WDR19: variants seen among roughly 807,000 people sequenced by gnomAD.
WDR19 encodes WD repeat-containing protein 19.
WDR19 carries 121 observed loss-of-function variants against 180.0 expected under a neutral mutation model. That is an observed-to-expected ratio of 0.67 (90% CI 0.58 to 0.78). The LOEUF (loss-of-function observed/expected upper bound fraction) is 0.78. Ranked by LOEUF, WDR19 falls within the 30% of genes least tolerant of loss-of-function variation. The pLI, the probability that WDR19 is intolerant of heterozygous loss-of-function variation, is 0.00. For missense variants in WDR19, 1,450 were observed against 1,640.7 expected (o/e 0.88, Z 2.01); for synonymous variants, 497 against 540.7 (o/e 0.92, Z 1.12).
chr4:39,244,938 CT>C (rs72240523), intron 23 of WDR19, among the ~76,000 whole-genome samples: 36,848 of 115,102 alleles, frequency 0.32, 4,064 homozygotes, highest in African/African-American at 0.37. Context: ...TTTTTTTTTT[CT>C]TTTTTTTTTT....
intron 15 of WDR19, among the ~76,000 whole-genome samples, chr4:39,226,895 A>G (rs762425357): frequency 9.2e-5 from 14 of 152,212 alleles, no homozygotes; most frequent in Non-Finnish European, 1.6e-4. Flanking sequence ...GTCTTCCACA[A>G]TGGTCGAACA....
rs754161203 is a variant in WDR19 at position 39,266,125 on chromosome 4, C to G, written c.3246C>G (p.Asn1082Lys). 1.3e-6 allele frequency: 2 copies of G among 1,562,888 alleles called. No homozygotes were observed. Among genetic ancestry groups the G allele is most frequent in the South Asian group, 2.4e-5 (2 of 84,384 alleles). ...TGATAGACCATCTCCTGGGGGAGAA[C>G]GATGGCATGCCTAAGGTACTGAACA... ...NQLIDHLLGENDGMPKDAKYL... is the reference protein window; with the variant it reads ...NQLIDHLLGEKDGMPKDAKYL... The change falls in exon 29 of 37, where the codon AAC (asparagine) becomes AAG (lysine). Residue 1082 changes from asparagine (N) to lysine (K), a missense_variant. Transcript: ENST00000399820.
chr4:39,278,771 G>T (rs1736166994), intron 36 of WDR19, 108 bp downstream of exon 36: 2 of 544,184 alleles, frequency 3.7e-6, no homozygotes, highest in South Asian at 8.0e-5. Context: ...CATGGAACTT[G>T]CCAGATTTGA....
At chr4:39,188,039 T>C (rs955433291) in intron 3 of WDR19, among the ~76,000 whole-genome samples, 6 of 152,036 alleles carry the variant, frequency 3.9e-5, no homozygotes, top group Non-Finnish European at 8.8e-5. Context: ...TAAATATAAA[T>C]CAAAGTATGG....
chr4:39,267,923 C>A, intron 29 of WDR19, 72 bp from the exon 30 acceptor site: 2 of 1,359,232 alleles, frequency 1.5e-6, no homozygotes, highest in South Asian at 1.3e-5. Flanking sequence ...GTGATTCTAA[C>A]TGCAATACAA....
intron 26 of WDR19, 100 bp downstream of exon 26, chr4:39,254,130 C>A: frequency 8.2e-7 from 1 of 1,213,368 alleles, no homozygotes; most frequent in Non-Finnish European, 1.1e-6. Flanking sequence ...TACAAGAATG[C>A]GCCTGGTGTA....
chr4:39,195,389 AACAAAC>A (rs2109267866), intron 5 of WDR19, among the ~76,000 whole-genome samples: 1 of 131,844 alleles, frequency 7.6e-6, no homozygotes, highest in Non-Finnish European at 1.7e-5. Context: ...CAAAAAAACA[AACAAAC>A]AAAAAAAAAC....
At chr4:39,269,527 G>C (rs1284994384) in intron 30 of WDR19, among the ~76,000 whole-genome samples, 1 of 152,202 alleles carries the variant, frequency 6.6e-6, no homozygotes, top group Non-Finnish European at 1.5e-5. Context: ...AGAGCAACTG[G>C]CTAGATGTTC....
rs201056151 is a variant in WDR19, at chr4:39,247,190, G to A, written c.2729+1738G>A. On this transcript the variant is annotated intron_variant, in intron 24 of 36. Transcript: ENST00000399820. ...GGAACAATCAGGCAGCAGCATTTGC[G>A]GTTCACCAATATCCACTGTTCTGCA... is the stretch of plus-strand genomic sequence containing the variant. Among the ~76,000 whole-genome samples the A allele has an allele frequency of 4.3e-3, 644 of 151,436 alleles. 3 individuals are homozygous for A. The highest frequency in any genetic ancestry group is 7.4e-3 in the Non-Finnish European group (500 of 67,646).
chr4:39,237,607 T>C (rs1340660954), intron 20 of WDR19: 1 of 152,202 alleles, frequency 6.6e-6, no homozygotes, highest in Non-Finnish European at 1.5e-5. Context: ...TGATATCTTA[T>C]TTCAAATTTT....
chr4:39,185,878 T>G, intron 2 of WDR19, 61 bp downstream of exon 2: 1 of 1,256,194 alleles, frequency 8.0e-7, no homozygotes, highest in Non-Finnish European at 1.1e-6. Flanking sequence ...CACCATCTAC[T>G]CAGTAGAAGT....
intron 9 of WDR19, among the ~76,000 whole-genome samples, chr4:39,212,114 T>A (rs367555869): frequency 6.6e-6 from 1 of 152,148 alleles, no homozygotes; most frequent in African/African-American, 2.4e-5. Flanking sequence ...AGACTATGTA[T>A]CATTGGCAGA....
intron 5 of WDR19, among the ~76,000 whole-genome samples, chr4:39,196,029 G>A (rs971614137): frequency 1.3e-5 from 2 of 152,126 alleles, no homozygotes; most frequent in Non-Finnish European, 2.9e-5. Context: ...AGGAGGAGGA[G>A]GAAGAAGAGA....
In WDR19 at chr4:39,244,332, A is replaced by C. The variant is rs371545746; in HGVS notation, c.2506A>C (p.Lys836Gln). ...ACGTCGAGGGGTTAACCAAGCCCTC[A>C]AGCATCCCAGCAGGGTCCTTAAAAG... ...DIRRGVNQALKHPSRVLKRDC... is the reference protein window; with the variant it reads ...DIRRGVNQALQHPSRVLKRDC... Residue 836 changes from lysine to glutamine, a missense_variant, in exon 22 of 37, where the codon AAG becomes CAG. By Grantham distance (53) the Lys-to-Gln change is moderately conservative. Transcript: ENST00000399820. 2.5e-6 allele frequency: 4 copies of C among 1,613,900 alleles called. No individual in the cohort carries two copies. The highest frequency in any genetic ancestry group is 3.4e-6 in the Non-Finnish European group (4 of 1,179,888).
chr4:39,268,428 C>A (rs748953437), intron 30 of WDR19, among the ~76,000 whole-genome samples: 4 of 152,112 alleles, frequency 2.6e-5, no homozygotes, highest in Non-Finnish European at 4.4e-5. Context: ...CTTTCCATTC[C>A]CTGTGTTTGG....
At chr4:39,254,504 G>A (rs916302730) in intron 26 of WDR19, among the ~76,000 whole-genome samples, 1 of 152,122 alleles carries the variant, frequency 6.6e-6, no homozygotes, top group Admixed American at 6.5e-5. Context: ...GATATTCTGA[G>A]AATGCCTGTT....
In WDR19 at chr4:39,189,641, T is replaced by C; in HGVS notation, c.165-15T>C. 1.9e-6 allele frequency: 3 copies of C among 1,576,258 alleles called. No individual in the cohort carries two copies. The highest frequency in any genetic ancestry group is 2.6e-6 in the Non-Finnish European group (3 of 1,164,886). ...AAAAAACTGTATAGTGGTATTTTGCTCTCTTTTTTAAAAGTAACTGTGTTG... is the reference window on the plus strand; with the variant it reads ...AAAAAACTGTATAGTGGTATTTTGCCCTCTTTTTTAAAAGTAACTGTGTTG... On this transcript the variant is annotated splice_polypyrimidine_tract_variant and intron_variant, in intron 3 of 36. Coordinates refer to ENST00000399820, the MANE Select transcript of WDR19 (RefSeq NM_025132.4).
At chr4:39,257,599 A>G (rs1733888277) in intron 28 of WDR19, 45 bp downstream of exon 28, 4 of 1,533,406 alleles carry the variant, frequency 2.6e-6, no homozygotes, top group Admixed American at 4.0e-5. Flanking sequence ...CAATTTTTTA[A>G]AAAACTTCTT....
intron 15 of WDR19, among the ~76,000 whole-genome samples, chr4:39,226,340 C>G (rs1730247563): frequency 6.6e-6 from 1 of 152,176 alleles, no homozygotes; most frequent in Non-Finnish European, 1.5e-5. Context: ...GATTGGATTT[C>G]CAGTTTTTCT....
Sources: gnomAD v4.1 joint callset for allele counts (sites outside exome capture counted in the v4.1 genomes callset) on GRCh38, gnomAD v4.1.1 for gene constraint, MANE v1.5 for transcripts, NCBI Gene and HGNC (gene_info 2026-07-23, HGNC 2026-07-21) for gene names.